KCNMB4: variants seen among roughly 807,000 people sequenced by gnomAD.
KCNMB4 encodes the protein potassium calcium-activated channel subfamily M regulatory beta subunit 4, also known as calcium-activated potassium channel subunit beta-4.
A neutral mutation model predicts 20.7 loss-of-function variants in KCNMB4; 3 were observed. The ratio of observed to expected loss-of-function variants is 0.14; its 90% CI spans 0.07 to 0.37. The LOEUF (loss-of-function observed/expected upper bound fraction) is 0.37. Among genes scored for constraint, KCNMB4 ranks in the 10% least tolerant of loss-of-function variants. The pLI is 1.00. For synonymous variants in KCNMB4, 110 were observed against 113.4 expected (o/e 0.97, Z 0.19); for missense variants, 168 against 265.9 (o/e 0.63, Z 2.56).
chr12:70,427,747 T>A (rs1201757664), intron 2 of KCNMB4, among the ~76,000 whole-genome samples: 1 of 152,364 alleles, frequency 6.6e-6, no homozygotes, highest in East Asian at 1.9e-4. Context: ...GTACATGTTC[T>A]TCAAACTGTG....
At chr12:70,421,594 A>G (rs544193943) in intron 2 of KCNMB4, among the ~76,000 whole-genome samples, 1 of 140,994 alleles carries the variant, frequency 7.1e-6, no homozygotes, top group East Asian at 2.2e-4. Context: ...TTATTTATTT[A>G]TTTTTGAGAC....
intron 1 of KCNMB4, among the ~76,000 whole-genome samples, chr12:70,376,603 C>CA (rs1883690488): frequency 1.3e-5 from 2 of 151,978 alleles, no homozygotes; most frequent in South Asian, 4.1e-4. Context: ...CATGATGTCT[C>CA]ACGCCTGTAA....
At chr12:70,430,388 T>A (rs1022525741) in intron 2 of KCNMB4, 97 bp from the exon 3 acceptor site, 3 of 1,241,048 alleles carry the variant, frequency 2.4e-6, no homozygotes, top group Non-Finnish European at 3.5e-6. Context: ...CTTTCAATAA[T>A]GGTTATGGAA....
chr12:70,376,088 A>G (rs1474624493), intron 1 of KCNMB4, among the ~76,000 whole-genome samples: 1 of 152,090 alleles, frequency 6.6e-6, no homozygotes, highest in African/African-American at 2.4e-5. Context: ...AGAACAAGAA[A>G]AGCATAATTA....
chr12:70,390,289 T>C (rs2136124431), intron 1 of KCNMB4, among the ~76,000 whole-genome samples: 1 of 152,312 alleles, frequency 6.6e-6, no homozygotes, highest in East Asian at 1.9e-4. Flanking sequence ...GTGAGCCATT[T>C]GCTTCTGAAA....
At chr12:70,383,604 C>T (rs1883834009) in intron 1 of KCNMB4, among the ~76,000 whole-genome samples, 1 of 152,212 alleles carries the variant, frequency 6.6e-6, no homozygotes, top group South Asian at 2.1e-4. Flanking sequence ...CCATGCTCCC[C>T]TGAAGGCTCT....
intron 1 of KCNMB4, among the ~76,000 whole-genome samples, chr12:70,385,319 T>C (rs1868249094): frequency 6.6e-6 from 1 of 152,200 alleles, no homozygotes; most frequent in Non-Finnish European, 1.5e-5. Context: ...AGTGTTGTGG[T>C]GGGGTGCATT....
Position 70,410,987 on chromosome 12 carries a change from T to C in KCNMB4, c.464+10651T>C, listed in dbSNP as rs561842581. ...AATGGCCTGAGCTCAAATTGAGTAG[T>C]GGTTTCTTCAGAACACAGTTTTAAA... On this transcript the variant is annotated intron_variant, in intron 2 of 2. Transcript: ENST00000258111. 5.7e-4 allele frequency among the ~76,000 whole-genome samples: 87 copies of C among 152,324 alleles called. 1 individual carries two copies. Among genetic ancestry groups the C allele is most frequent in the African/African-American group, 2.0e-3 (82 of 41,576 alleles).
At position 70,430,515 on chromosome 12, in the gene KCNMB4, T is replaced by C. The variant is rs771635790; in HGVS notation, c.495T>C (p.His165=). Residue 165 remains histidine (H), a synonymous_variant, in exon 3 of 3, where the codon CAT becomes CAC. Transcript: ENST00000258111. ...ATGATGTGCTTCTGCATCGCACTCA[T>C]GATGAGATTGTCCTCCTGCATTGCT... ...RPDDVLLHRT[H]DEIVLLHCFL... is the part of the protein sequence containing the mutation. 2 of 1,613,092 alleles carry C rather than the reference T, an allele frequency of 1.2e-6. No individual in the cohort carries two copies. Among genetic ancestry groups the C allele is most frequent in the African/African-American group, 1.3e-5 (1 of 74,880 alleles).
At chr12:70,404,407 C>A (rs1868538781) in intron 2 of KCNMB4, among the ~76,000 whole-genome samples, 1 of 152,134 alleles carries the variant, frequency 6.6e-6, no homozygotes, top group South Asian at 2.1e-4. Flanking sequence ...GTGTGCCTGC[C>A]ATTGTGAATG....
At chr12:70,374,309 G>A (rs2136115703) in intron 1 of KCNMB4, among the ~76,000 whole-genome samples, 1 of 152,214 alleles carries the variant, frequency 6.6e-6, no homozygotes, top group East Asian at 1.9e-4. Context: ...GAATGAAGAT[G>A]TCAAGTTTTA....
chr12:70,395,552 C>G (rs1868343484), intron 1 of KCNMB4, among the ~76,000 whole-genome samples: 1 of 152,090 alleles, frequency 6.6e-6, no homozygotes, highest in South Asian at 2.1e-4. Context: ...TTGACAAACC[C>G]TAACATATGA....
rs558068151 is a variant in KCNMB4 at position 70,382,855 on chromosome 12, T to G, written c.336+15785T>G. Among the ~76,000 whole-genome samples, 12 of 152,210 alleles carry G rather than the reference T, an allele frequency of 7.9e-5. No individual in the cohort carries two copies. The East Asian group carries it at 2.3e-3, about 29-fold the overall frequency. ...CTCACTAAAAATCAAAGAAATACAG[T>G]CGTTCATTGTTTAAGGTGATTTTGT... On this transcript the variant is annotated intron_variant, in intron 1 of 2. Coordinates refer to ENST00000258111, the MANE Select transcript of KCNMB4 (RefSeq NM_014505.6).
chr12:70,433,855 C>G lies in KCNMB4; in HGVS notation c.*3202C>G, dbSNP rs932475857. ...AAGTCTTGCTCGTCAGCTTCTGTGG[C>G]CCCGTCTGAAACTTTTGAGGGACAT... On this transcript the variant is annotated 3_prime_UTR_variant, in exon 3 of 3. Transcript: ENST00000258111. 2 of 152,252 alleles carry G rather than the reference C, an allele frequency of 1.3e-5. No homozygotes were observed. The highest frequency in any genetic ancestry group is 1.5e-5 in the Non-Finnish European group (1 of 68,060). The allele number at this position is 152,252 out of a possible 1,614,324, so 9.4% of individuals were successfully genotyped here. A position where few individuals can be genotyped will look rare whatever the true frequency, so the allele number is the denominator to read the frequency against.
chr12:70,415,936 T>A (rs116643075), intron 2 of KCNMB4, among the ~76,000 whole-genome samples: 1 of 152,226 alleles, frequency 6.6e-6, no homozygotes, highest in African/African-American at 2.4e-5. Context: ...TGGTCCCTGC[T>A]ACATCATAGT....
intron 2 of KCNMB4, among the ~76,000 whole-genome samples, chr12:70,403,740 C>T (rs866679327): frequency 2.1e-4 from 32 of 152,220 alleles, no homozygotes; most frequent in African/African-American, 7.5e-4. Context: ...AATCTATAAC[C>T]AGAAACTACA....
chr12:70,371,766 G>A (rs758074914), intron 1 of KCNMB4, among the ~76,000 whole-genome samples: 6 of 152,138 alleles, frequency 3.9e-5, no homozygotes, highest in Non-Finnish European at 8.8e-5. Context: ...CATGAAACAC[G>A]TATCCTGAGC....
rs549653730 is a variant in KCNMB4 at position 70,382,654 on chromosome 12, G to A, written c.336+15584G>A. Among the ~76,000 whole-genome samples, 6 of 151,996 alleles carry A rather than the reference G, an allele frequency of 3.9e-5. No individual in the cohort carries two copies. The South Asian group carries it at 1.2e-3, about 32-fold the overall frequency. Reference sequence around the variant, plus strand: ...CATTTTTTTGAACATTAAAATTGAAGGAAAAATGATAAATTTGGACAAATG... The same window carrying A: ...CATTTTTTTGAACATTAAAATTGAAAGAAAAATGATAAATTTGGACAAATG... On this transcript the variant is annotated intron_variant, in intron 1 of 2. Coordinates refer to ENST00000258111, the MANE Select transcript of KCNMB4 (RefSeq NM_014505.6).
chr12:70,404,393 T>C (rs1868538588), intron 2 of KCNMB4, among the ~76,000 whole-genome samples: 1 of 152,206 alleles, frequency 6.6e-6, no homozygotes, highest in Admixed American at 6.5e-5. Context: ...TTTGAATGGT[T>C]ACTGTGTGCC....
Sources: allele counts gnomAD v4.1 joint callset (sites outside exome capture counted in the v4.1 genomes callset), GRCh38; gene constraint gnomAD v4.1.1; transcripts MANE v1.5; gene names NCBI Gene and HGNC (gene_info 2026-07-23, HGNC 2026-07-21).